Variants in DZIP3 observed in about 807,000 individuals in gnomAD.
DZIP3 encodes the protein E3 ubiquitin-protein ligase DZIP3.
DZIP3 carries 118 observed loss-of-function variants against 162.0 expected under a neutral mutation model. The observed-to-expected ratio is 0.73, with a 90% CI of 0.63 to 0.85. The LOEUF (loss-of-function observed/expected upper bound fraction) is 0.85, where lower values mean the gene tolerates loss of function less well. DZIP3 is among the 40% of genes least tolerant of loss of function. The pLI is 0.00. For missense variants in DZIP3, 1,331 were observed against 1,407.0 expected (o/e 0.95, Z 0.86); for synonymous variants, 438 against 458.6 (o/e 0.96, Z 0.57).
chr3:108,681,986 G>C (rs1944331867), intron 26 of DZIP3, among the ~76,000 whole-genome samples: 1 of 150,354 alleles, frequency 6.7e-6, no homozygotes, highest in Non-Finnish European at 1.5e-5. Context: ...TAGATGACGG[G>C]TTGATGGGTG....
intron 22 of DZIP3, among the ~76,000 whole-genome samples, chr3:108,670,198 G>T (rs1447433222): frequency 6.6e-6 from 1 of 151,694 alleles, no homozygotes; most frequent in Non-Finnish European, 1.5e-5. Flanking sequence ...ACAATTTATT[G>T]ATTTAGAATA....
At chr3:108,653,523 ATATATATATATATATATATG>A (rs1942968266) in intron 18 of DZIP3, among the ~76,000 whole-genome samples, 2 of 145,108 alleles carry the variant, frequency 1.4e-5, no homozygotes, top group African/African-American at 5.0e-5. Flanking sequence ...ATATATATAT[ATATATATATATATATATATG>A]TAGTATTTTC....
chr3:108,681,738 T>TCCATTGTAA (rs1320437896), intron 26 of DZIP3, among the ~76,000 whole-genome samples: 8 of 144,024 alleles, frequency 5.6e-5, no homozygotes, highest in African/African-American at 2.1e-4. Flanking sequence ...CACCATGGAA[T>TCCATTGTAA]ACTCTGCCGC....
chr3:108,673,852 G>A (rs1410593723), intron 23 of DZIP3, among the ~76,000 whole-genome samples: 1 of 151,932 alleles, frequency 6.6e-6, no homozygotes, highest in Non-Finnish European at 1.5e-5. Context: ...GAAAAGACAT[G>A]ATCTGGAATG....
chr3:108,607,149 A>C (rs1225095918), intron 2 of DZIP3, among the ~76,000 whole-genome samples: 1 of 152,194 alleles, frequency 6.6e-6, no homozygotes, highest in Non-Finnish European at 1.5e-5. Context: ...AAGAGCACTG[A>C]GAATCATATT....
intron 1 of DZIP3, among the ~76,000 whole-genome samples, chr3:108,601,448 T>C (rs192512810): frequency 3.2e-4 from 48 of 152,344 alleles, no homozygotes; most frequent in South Asian, 2.1e-4. Flanking sequence ...TCTTAAAAAC[T>C]GTATTCCTTT....
chr3:108,616,096 C>T (rs3111477), intron 4 of DZIP3, among the ~76,000 whole-genome samples: 106,265 of 151,888 alleles, frequency 0.7, 37,738 homozygotes, highest in Middle Eastern at 0.79. Flanking sequence ...AACCCCATCT[C>T]TACTAAAAAT....
chr3:108,639,254 A>G (rs911772818), intron 12 of DZIP3, among the ~76,000 whole-genome samples: 2 of 152,228 alleles, frequency 1.3e-5, no homozygotes, highest in Admixed American at 1.3e-4. Flanking sequence ...CTTGTTTTCT[A>G]GTATGTTCCT....
intron 5 of DZIP3, among the ~76,000 whole-genome samples, chr3:108,619,570 G>A (rs1467129211): frequency 6.6e-6 from 1 of 152,090 alleles, no homozygotes; most frequent in East Asian, 1.9e-4. Context: ...GAGATGAGAT[G>A]TCCAAGCTCC....
intron 8 of DZIP3, 24 bp downstream of exon 8, chr3:108,629,200 A>G (rs780022905): frequency 2.8e-6 from 4 of 1,433,656 alleles, no homozygotes; most frequent in African/African-American, 2.9e-5. Flanking sequence ...TAAGAGTAAC[A>G]TTTTATTTGT....
At position 108,653,505 on chromosome 3, in the gene DZIP3, G is replaced by GTATA. The variant is rs1216334552; in HGVS notation, c.2034-639_2034-638insATAT. Among the ~76,000 whole-genome samples the GTATA allele has an allele frequency of 5.5e-3, 374 of 67,646 alleles. 3 individuals carry two copies. The highest frequency in any genetic ancestry group is 0.017 in the African/African-American group (275 of 16,520). 44.4% of individuals were successfully genotyped at this position (67,646 alleles called of 152,430 possible). The stretch of plus-strand genomic sequence containing the variant: ...ATTGGTTAATTGCCATTGTGTGTGT[G>GTATA]TGTATATATATATATATATATATAT... On this transcript the variant is annotated intron_variant, in intron 18 of 32. Coordinates refer to ENST00000361582, the MANE Select transcript of DZIP3 (RefSeq NM_014648.4).
Position 108,662,089 on chromosome 3 carries a change from CTT to C in DZIP3, c.2296-40_2296-39del, listed in dbSNP as rs552194865. On this transcript the variant is annotated intron_variant, in intron 20 of 32. Coordinates refer to ENST00000361582, the MANE Select transcript of DZIP3 (RefSeq NM_014648.4). ...GCTTTTTTCTTTCAATTTCTGGTGA[CTT>C]GAACATAATTATCTGAAATAATATT... 3,225 of 1,572,156 alleles carry C rather than the reference CTT, an allele frequency of 2.1e-3. 6 individuals are homozygous for C. The highest frequency in any genetic ancestry group is 2.5e-3 in the Non-Finnish European group (2,926 of 1,162,618).
At chr3:108,675,508 A>G (rs1944071320) in intron 24 of DZIP3, among the ~76,000 whole-genome samples, 2 of 152,050 alleles carry the variant, frequency 1.3e-5, no homozygotes, top group Non-Finnish European at 2.9e-5. Flanking sequence ...CAAAGGTTTT[A>G]TAATATATAC....
chr3:108,674,287 T>A (rs41267025), intron 24 of DZIP3, 106 bp downstream of exon 24: 2 of 901,812 alleles, frequency 2.2e-6, no homozygotes, highest in Non-Finnish European at 3.3e-6. Flanking sequence ...GACATCAGAG[T>A]TCTTAAAGAA....
Position 108,608,230 on chromosome 3 carries a change from C to T in DZIP3, c.102+72C>T, listed in dbSNP as rs1179788403. ...AATTATATATGCAAATGCAGTAATACATCTAGTCAGTTTAATTACGTGTTA... is the reference window on the plus strand; with the variant it reads ...AATTATATATGCAAATGCAGTAATATATCTAGTCAGTTTAATTACGTGTTA... On this transcript the variant is annotated intron_variant, in intron 3 of 32. Transcript: ENST00000361582. 3.3e-6 allele frequency: 4 copies of T among 1,224,240 alleles called. No homozygotes were observed. The South Asian group carries it at 3.8e-5, about 12-fold the overall frequency. The allele number at this position is 1,224,240 out of a possible 1,614,324, so 75.8% of individuals were successfully genotyped here. A position where few individuals can be genotyped will look rare whatever the true frequency, so the allele number is the denominator to read the frequency against.
At chr3:108,630,709 T>A (rs1941792660) in intron 8 of DZIP3, among the ~76,000 whole-genome samples, 2 of 152,082 alleles carry the variant, frequency 1.3e-5, no homozygotes, top group African/African-American at 2.4e-5. Flanking sequence ...TTCCTCTTTT[T>A]AAAATATTTT....
chr3:108,668,392 G>A (rs1031179524), intron 21 of DZIP3, among the ~76,000 whole-genome samples: 9 of 152,074 alleles, frequency 5.9e-5, no homozygotes, highest in Middle Eastern at 3.4e-3. Flanking sequence ...CTGAACATAC[G>A]TAGCTGACTC....
chr3:108,686,023 A>G (rs1944485989), intron 27 of DZIP3, among the ~76,000 whole-genome samples: 1 of 152,180 alleles, frequency 6.6e-6, no homozygotes, highest in South Asian at 2.1e-4. Flanking sequence ...TAGATGTGCC[A>G]TAATTTATTC....
intron 26 of DZIP3, among the ~76,000 whole-genome samples, chr3:108,680,088 TCAA>T (rs1460205242): frequency 6.6e-6 from 1 of 152,084 alleles, no homozygotes; most frequent in Non-Finnish European, 1.5e-5. Context: ...TTGACAAAAT[TCAA>T]CGTCAGTTTA....
Sources: allele counts gnomAD v4.1 joint callset (sites outside exome capture counted in the v4.1 genomes callset), GRCh38; gene constraint gnomAD v4.1.1; transcripts MANE v1.5; gene names NCBI Gene and HGNC (gene_info 2026-07-23, HGNC 2026-07-21).